SEC23IP: variants seen among roughly 807,000 people sequenced by gnomAD.
SEC23IP encodes the protein SEC23 interacting protein, also known as SEC23-interacting protein.
Under a neutral mutation model 113.4 loss-of-function variants are expected in SEC23IP, and 70 were observed. The ratio of observed to expected loss-of-function variants is 0.62; its 90% CI spans 0.51 to 0.75. The LOEUF (loss-of-function observed/expected upper bound fraction) is 0.75, where lower values mean the gene tolerates loss of function less well. SEC23IP is among the 30% of genes least tolerant of loss of function. SEC23IP has a pLI of 0.00. For missense variants in SEC23IP, 1,160 were observed against 1,204.9 expected, an observed-to-expected ratio of 0.96 and a Z score of 0.55; for synonymous variants, 398 against 421.0, an observed-to-expected ratio of 0.95 and a Z score of 0.67.
Position 119,926,464 on chromosome 10 carries a change from C to T in SEC23IP, c.2313+237C>T, listed in dbSNP as rs533586329. Among the ~76,000 whole-genome samples the T allele has an allele frequency of 5.9e-5, 9 of 152,232 alleles. No homozygotes were observed. The East Asian group carries it at 9.6e-4, about 16-fold the overall frequency. Reference sequence around the variant, plus strand: ...ATTGTCTCTATTTCAGTTTTCCCACCGCTCATACTTTTATAGCATCAGTCT... The same window carrying T: ...ATTGTCTCTATTTCAGTTTTCCCACTGCTCATACTTTTATAGCATCAGTCT... On this transcript the variant is annotated intron_variant, in intron 13 of 18. Transcript: ENST00000369075.
chr10:119,914,694 C>T (rs45524338), intron 6 of SEC23IP, 36 bp from the exon 7 acceptor site: 164 of 1,542,164 alleles, frequency 1.1e-4, no homozygotes, highest in Non-Finnish European at 1.4e-4. Flanking sequence ...AACAAATTCC[C>T]ATCTTTTATG....
intron 4 of SEC23IP, chr10:119,904,490 A>T (rs1854600154): frequency 1.9e-6 from 1 of 536,620 alleles, no homozygotes; most frequent in Non-Finnish European, 3.3e-6. Flanking sequence ...ATTTGCAGAG[A>T]CACATCACAG....
In SEC23IP at chr10:119,892,757, C is replaced by T. The variant is rs1448174660; in HGVS notation, c.-26C>T. On this transcript the variant is annotated 5_prime_UTR_variant, in exon 1 of 19. The change creates a new upstream start codon in the 5' untranslated region. Coordinates refer to ENST00000369075, the MANE Select transcript of SEC23IP (RefSeq NM_007190.4). ...TGGTGTGGTACCGGGTACCCGGAGACGTGTATCGGACGGTGGGCCGCAGCC... is the reference window on the plus strand; with the variant it reads ...TGGTGTGGTACCGGGTACCCGGAGATGTGTATCGGACGGTGGGCCGCAGCC... The T allele has an allele frequency of 1.9e-6, 3 of 1,587,948 alleles. No homozygotes were observed. The highest frequency in any genetic ancestry group is 2.6e-6 in the Non-Finnish European group (3 of 1,166,062).
At chr10:119,902,681 A>T in intron 2 of SEC23IP, 118 bp from the exon 3 acceptor site, 1 of 817,456 alleles carries the variant, frequency 1.2e-6, no homozygotes, top group East Asian at 2.4e-5. Context: ...TAGTTATTAC[A>T]CTAAGTAATT....
intron 14 of SEC23IP, among the ~76,000 whole-genome samples, chr10:119,930,002 A>AT (rs1423965496): frequency 2.0e-5 from 3 of 152,132 alleles, no homozygotes; most frequent in African/African-American, 4.8e-5. Flanking sequence ...ATCCTAGTAA[A>AT]TTCTCATATT....
chr10:119,910,439 C>T (rs1232794558), intron 5 of SEC23IP, among the ~76,000 whole-genome samples: 1 of 152,144 alleles, frequency 6.6e-6, no homozygotes, highest in African/African-American at 2.4e-5. Flanking sequence ...AAGCATCTAG[C>T]ATGGGGCTTA....
At chr10:119,921,509 C>T (rs1212768811) in intron 12 of SEC23IP, among the ~76,000 whole-genome samples, 2 of 152,160 alleles carry the variant, frequency 1.3e-5, no homozygotes, top group African/African-American at 4.8e-5. Flanking sequence ...ACCTTCCTTA[C>T]AGGATTGGAG....
rs1564919560 is a variant in SEC23IP at position 119,923,014 on chromosome 10, C to CCA, written c.2121+2030_2121+2031insCA. 2.9e-5 allele frequency among the ~76,000 whole-genome samples: 4 copies of CCA among 137,454 alleles called. No homozygotes were observed. The South Asian group carries it at 8.9e-4, about 31-fold the overall frequency. The allele number at this position is 137,454 out of a possible 152,430, so 90.2% of individuals were successfully genotyped here. A position where few individuals can be genotyped will look rare whatever the true frequency, so the allele number is the denominator to read the frequency against. Reference sequence around the variant, plus strand: ...AAGCAAAAGCCTATAAAAAAAAAAACAAAAAAAACAAGAAATGAGAAGCTT... The same window carrying CCA: ...AAGCAAAAGCCTATAAAAAAAAAAACCAAAAAAAAACAAGAAATGAGAAGCTT... On this transcript the variant is annotated intron_variant, in intron 12 of 18. Transcript: ENST00000369075.
At chr10:119,931,255 C>T (rs1012946593) in intron 15 of SEC23IP, among the ~76,000 whole-genome samples, 4 of 139,558 alleles carry the variant, frequency 2.9e-5, no homozygotes, top group Admixed American at 2.3e-4. Flanking sequence ...ACTCCAGTCT[C>T]CGAGAGACTC....
chr10:119,900,301 A>G (rs138197097), intron 2 of SEC23IP, among the ~76,000 whole-genome samples: 2,609 of 136,892 alleles, frequency 0.019, 65 homozygotes, highest in African/African-American at 0.061. Context: ...GTGTGTGTAT[A>G]TATATATATA....
chr10:119,914,913 A>G, intron 7 of SEC23IP, 94 bp downstream of exon 7: 1 of 1,165,442 alleles, frequency 8.6e-7, no homozygotes, highest in Non-Finnish European at 1.3e-6. Flanking sequence ...CCAGCTGTGT[A>G]CTACTTGCTG....
chr10:119,917,765 TA>T, intron 8 of SEC23IP, 70 bp from the exon 9 acceptor site: 1 of 1,206,110 alleles, frequency 8.3e-7, no homozygotes, highest in Non-Finnish European at 1.2e-6. Context: ...GTCAAAAATC[TA>T]AACTTTAAAA....
chr10:119,905,684 A>T (rs1854639446), intron 4 of SEC23IP, among the ~76,000 whole-genome samples: 1 of 152,194 alleles, frequency 6.6e-6, no homozygotes, highest in East Asian at 1.9e-4. Flanking sequence ...GACAGAGAAC[A>T]CCTTTAATTT....
intron 4 of SEC23IP, among the ~76,000 whole-genome samples, chr10:119,906,853 T>C (rs1042764070): frequency 4.6e-5 from 7 of 151,914 alleles, no homozygotes; most frequent in South Asian, 2.1e-4. Flanking sequence ...TAGGATTACA[T>C]GCGTGAGCCA....
chr10:119,899,112 T>C (rs1854391579), intron 2 of SEC23IP, among the ~76,000 whole-genome samples, 153 bp downstream of exon 2: 1 of 152,240 alleles, frequency 6.6e-6, no homozygotes, highest in Non-Finnish European at 1.5e-5. Context: ...AAGTAAACAT[T>C]GTCTTAAAGA....
At position 119,943,118 on chromosome 10, in the gene SEC23IP, C is replaced by G. The variant is rs1856003656; in HGVS notation, c.*2553C>G. The G allele has an allele frequency of 6.6e-6, 1 of 152,156 alleles. No homozygotes were observed. Among genetic ancestry groups the G allele is most frequent in the African/African-American group, 2.4e-5 (1 of 41,432 alleles). 9.4% of individuals were successfully genotyped at this position (152,156 alleles called of 1,614,324 possible). A position where few individuals can be genotyped will look rare whatever the true frequency, so the allele number is the denominator to read the frequency against. On this transcript the variant is annotated 3_prime_UTR_variant, in exon 19 of 19. Transcript: ENST00000369075. ...CTTGAGGCATCTAACTATCTTAATG[C>G]TGTACTTTAGTGTTTACCAAGCAGC... is the stretch of plus-strand genomic sequence containing the variant.
At position 119,898,433 on chromosome 10, in the gene SEC23IP, C is replaced by T. The variant is rs759256309; in HGVS notation, c.170C>T (p.Ser57Phe). 1 of 1,610,284 alleles carries T rather than the reference C, an allele frequency of 6.2e-7. No individual in the cohort carries two copies. Among genetic ancestry groups the T allele is most frequent in the East Asian group, 2.2e-5 (1 of 44,868 alleles). ...PASLLLPGEDSTDVGEEDSFL... is the reference protein window; with the variant it reads ...PASLLLPGEDFTDVGEEDSFL... Reference sequence around the variant, plus strand: ...CTCTCCTGTTCCATTTCAGAGGATTCCACAGATGTTGGTGAGGAGGACAGC... The same window carrying T: ...CTCTCCTGTTCCATTTCAGAGGATTTCACAGATGTTGGTGAGGAGGACAGC... The change falls in exon 2 of 19, where the codon TCC (serine) becomes TTC (phenylalanine). Residue 57 changes from serine to phenylalanine, a missense_variant. Ser to Phe is a radical substitution (Grantham distance 155). Transcript: ENST00000369075.
intron 11 of SEC23IP, among the ~76,000 whole-genome samples, chr10:119,920,132 GC>G (rs1855202203): frequency 6.6e-6 from 1 of 152,068 alleles, no homozygotes; most frequent in Admixed American, 6.6e-5. Flanking sequence ...AGGGAACTAG[GC>G]ATTGTTATAT....
At chr10:119,903,131 T>C (rs768386961) in intron 3 of SEC23IP, 122 bp downstream of exon 3, 2 of 766,058 alleles carry the variant, frequency 2.6e-6, no homozygotes, top group Admixed American at 2.9e-5. Flanking sequence ...CCAGACTCTG[T>C]ACCTTAAGGT....
Sources: allele counts gnomAD v4.1 joint callset (sites outside exome capture counted in the v4.1 genomes callset), GRCh38; gene constraint gnomAD v4.1.1; transcripts MANE v1.5; gene names NCBI Gene and HGNC (gene_info 2026-07-23, HGNC 2026-07-21).